Variants in STAG1 observed in about 807,000 individuals in gnomAD.
STAG1 encodes the protein STAG1 cohesin complex component.
A neutral mutation model predicts 170.9 loss-of-function variants in STAG1; 26 were observed. The observed-to-expected ratio is 0.15, with a 90% CI of 0.11 to 0.21. The LOEUF (loss-of-function observed/expected upper bound fraction) is 0.21. Ranked by LOEUF, STAG1 falls within the 10% of genes least tolerant of loss-of-function variation. The pLI is 1.00. For synonymous variants in STAG1, 514 were observed against 497.7 expected, an observed-to-expected ratio of 1.03 and a Z score of -0.44; for missense variants, 964 against 1,509.5, an observed-to-expected ratio of 0.64 and a Z score of 5.99.
chr3:136,561,403 A>G (rs1196534113), intron 5 of STAG1, among the ~76,000 whole-genome samples: 4 of 152,208 alleles, frequency 2.6e-5, no homozygotes, highest in Admixed American at 6.5e-5. Context: ...TTTTGCCCTT[A>G]AACTCTTGAT....
chr3:136,414,531 C>T (rs929444322), intron 21 of STAG1, among the ~76,000 whole-genome samples: 2 of 152,164 alleles, frequency 1.3e-5, no homozygotes, highest in Non-Finnish European at 2.9e-5. Flanking sequence ...GGGTGACTTC[C>T]TCCACTTGTC....
chr3:136,435,963 C>T (rs1312822633), intron 15 of STAG1, among the ~76,000 whole-genome samples: 2 of 151,996 alleles, frequency 1.3e-5, no homozygotes, highest in Non-Finnish European at 2.9e-5. Flanking sequence ...CCACTGCACC[C>T]AGCCTGTTTT....
chr3:136,712,670 GAAGAA>G (rs1047544770), intron 1 of STAG1, among the ~76,000 whole-genome samples: 6 of 152,178 alleles, frequency 3.9e-5, no homozygotes, highest in African/African-American at 1.4e-4. Flanking sequence ...GCTGCTGTTG[GAAGAA>G]AAGTTCAGTA....
intron 22 of STAG1, among the ~76,000 whole-genome samples, chr3:136,389,790 G>A (rs1157678456): frequency 1.3e-5 from 2 of 150,936 alleles, no homozygotes; most frequent in Admixed American, 6.6e-5. Flanking sequence ...AAAGTTCTGG[G>A]ATTACAGGTG....
chr3:136,682,795 G>A (rs188996082), intron 1 of STAG1, among the ~76,000 whole-genome samples: 190 of 152,188 alleles, frequency 1.2e-3, no homozygotes, highest in Middle Eastern at 6.8e-3. Flanking sequence ...TTAAAAGAAG[G>A]CTCTCCAAGA....
At chr3:136,613,818 T>C (rs1485006206) in intron 3 of STAG1, among the ~76,000 whole-genome samples, 1 of 152,164 alleles carries the variant, frequency 6.6e-6, no homozygotes, top group Non-Finnish European at 1.5e-5. Flanking sequence ...TTTTCTCCAT[T>C]TGAATTACTG....
At chr3:136,733,715 T>C (rs766277978) in intron 1 of STAG1, among the ~76,000 whole-genome samples, 9 of 152,204 alleles carry the variant, frequency 5.9e-5, no homozygotes, top group Admixed American at 3.9e-4. Context: ...TGGCATAAAC[T>C]AAGGCATTGT....
At chr3:136,512,287 C>G (rs1221578778) in intron 7 of STAG1, among the ~76,000 whole-genome samples, 5 of 151,946 alleles carry the variant, frequency 3.3e-5, no homozygotes, top group African/African-American at 1.2e-4. Flanking sequence ...GCCTGGATGA[C>G]AGAGCAAGAC....
At chr3:136,461,237 GA>G (rs1368322238) in intron 13 of STAG1, among the ~76,000 whole-genome samples, 1 of 152,092 alleles carries the variant, frequency 6.6e-6, no homozygotes, top group Non-Finnish European at 1.5e-5. Flanking sequence ...ATTAAATGGG[GA>G]AAAGGTGAAA....
intron 1 of STAG1, among the ~76,000 whole-genome samples, chr3:136,687,984 G>A (rs1296655324): frequency 1.3e-5 from 2 of 152,168 alleles, no homozygotes; most frequent in South Asian, 2.1e-4. Context: ...TGATCCACCC[G>A]CCTCGACCTC....
intron 22 of STAG1, among the ~76,000 whole-genome samples, chr3:136,393,769 T>C (rs2087074433): frequency 6.6e-6 from 1 of 152,040 alleles, no homozygotes; most frequent in South Asian, 2.1e-4. Flanking sequence ...CTAATTTTTG[T>C]ATTTTTAGTA....
rs777670678 is a variant in STAG1 at position 136,565,853 on chromosome 3, G to A, written c.394+2912C>T. Among the ~76,000 whole-genome samples, 20 of 152,232 alleles carry A rather than the reference G, an allele frequency of 1.3e-4. No individual in the cohort carries two copies. The East Asian group carries it at 2.7e-3, about 21-fold the overall frequency. On this transcript the variant is annotated intron_variant, in intron 5 of 33. Transcript: ENST00000383202. ...GATGGATTATTATTCAGCCCTAAAC[G>A]AAATGAACTACTGATGCATGCTACA...
chr3:136,394,529 A>G lies in STAG1; in HGVS notation c.2277+4220T>C, dbSNP rs368471448. Among the ~76,000 whole-genome samples, 97 of 152,250 alleles carry G rather than the reference A, an allele frequency of 6.4e-4. No individual in the cohort carries two copies. In the East Asian group the frequency reaches 8.5e-3, roughly 13 times the overall value. Reference sequence around the variant, plus strand: ...AGTGGGTCACACCTGTAATCCCAGCACTTTGGGAGGCTGAGGCGGGTGGAC... The same window carrying G: ...AGTGGGTCACACCTGTAATCCCAGCGCTTTGGGAGGCTGAGGCGGGTGGAC... On this transcript the variant is annotated intron_variant, in intron 22 of 33. Coordinates refer to ENST00000383202, the MANE Select transcript of STAG1 (RefSeq NM_005862.3).
At chr3:136,615,733 G>A (rs543652934) in intron 3 of STAG1, among the ~76,000 whole-genome samples, 8 of 150,316 alleles carry the variant, frequency 5.3e-5, no homozygotes, top group Admixed American at 2.0e-4. Context: ...AGCCAAGGTC[G>A]TGCCACTGCA....
At chr3:136,669,000 G>GA (rs1941899874) in intron 1 of STAG1, among the ~76,000 whole-genome samples, 1 of 152,226 alleles carries the variant, frequency 6.6e-6, no homozygotes, top group Admixed American at 6.5e-5. Flanking sequence ...CTCCAAGGCA[G>GA]AATGTTCAGA....
chr3:136,656,617 T>TGTGTGTGTGTGTGTGTG (rs1941381695), intron 1 of STAG1, among the ~76,000 whole-genome samples: 4 of 143,294 alleles, frequency 2.8e-5, no homozygotes, highest in African/African-American at 8.2e-5. Context: ...CTGTATTTAT[T>TGTGTGTGTGTGTGTGTG]TGTGTGTGTG....
chr3:136,683,111 C>T (rs1576759583), intron 1 of STAG1, among the ~76,000 whole-genome samples: 1 of 152,058 alleles, frequency 6.6e-6, no homozygotes, highest in South Asian at 2.1e-4. Context: ...CCAGGGGCTA[C>T]AAAGAGAAAG....
chr3:136,478,893 T>A (rs544520312), intron 9 of STAG1, among the ~76,000 whole-genome samples: 1 of 152,266 alleles, frequency 6.6e-6, no homozygotes, highest in Non-Finnish European at 1.5e-5. Context: ...TGTGTGACCT[T>A]GGGTATTTCC....
At chr3:136,606,024 A>C (rs1257369477) in intron 3 of STAG1, among the ~76,000 whole-genome samples, 1 of 152,130 alleles carries the variant, frequency 6.6e-6, no homozygotes, top group Admixed American at 6.5e-5. Flanking sequence ...TTTTTAAATA[A>C]ACTTTTTTTA....
Sources: gnomAD v4.1 joint callset for allele counts (sites outside exome capture counted in the v4.1 genomes callset) on GRCh38, gnomAD v4.1.1 for gene constraint, MANE v1.5 for transcripts, NCBI Gene and HGNC (gene_info 2026-07-23, HGNC 2026-07-21) for gene names.